Variants in JAK1 observed in about 807,000 individuals in gnomAD.
JAK1 encodes tyrosine-protein kinase JAK1.
A neutral mutation model predicts 136.6 loss-of-function variants in JAK1; 16 were observed. The ratio of observed to expected loss-of-function variants is 0.12; its 90% CI spans 0.08 to 0.18. The LOEUF (loss-of-function observed/expected upper bound fraction) is 0.18, where lower values mean the gene tolerates loss of function less well. Ranked by LOEUF, JAK1 falls within the 10% of genes least tolerant of loss-of-function variation. The pLI, the probability that JAK1 is intolerant of heterozygous loss-of-function variation, is 1.00. For synonymous variants in JAK1, 492 were observed against 519.5 expected (o/e 0.95, Z 0.72); for missense variants, 859 against 1,450.1 (o/e 0.59, Z 6.62).
chr1:64,905,808 C>G (rs548583999), intron 1 of JAK1, among the ~76,000 whole-genome samples: 68 of 152,218 alleles, frequency 4.5e-4, no homozygotes, highest in African/African-American at 1.6e-3. Flanking sequence ...TCACATGATC[C>G]CTACAAACAA....
chr1:65,042,407 AACACACACAC>A (rs72477165), intron 2 of JAK1, among the ~76,000 whole-genome samples: 31 of 148,004 alleles, frequency 2.1e-4, no homozygotes, highest in African/African-American at 5.2e-4. Flanking sequence ...ACTCTTATTT[AACACACACAC>A]ACACACACAC....
At chr1:64,933,795 G>A (rs904521638) in intron 1 of JAK1, among the ~76,000 whole-genome samples, 7 of 152,178 alleles carry the variant, frequency 4.6e-5, no homozygotes, top group African/African-American at 1.2e-4. Flanking sequence ...CACCAAGCAC[G>A]CCGCTGCTCT....
chr1:65,007,517 A>G (rs1013672055), intron 2 of JAK1, among the ~76,000 whole-genome samples: 30 of 152,032 alleles, frequency 2.0e-4, no homozygotes, highest in African/African-American at 7.2e-4. Flanking sequence ...CTGGAGTGCA[A>G]TGGTGCAATC....
At chr1:65,001,274 G>T (rs74080249) in intron 2 of JAK1, among the ~76,000 whole-genome samples, 200 of 152,290 alleles carry the variant, frequency 1.3e-3, no homozygotes, top group African/African-American at 4.7e-3. Context: ...CGACCCACGC[G>T]TTTATCTTTC....
At chr1:64,963,348 C>A (rs535475146) in intron 1 of JAK1, among the ~76,000 whole-genome samples, 3 of 152,172 alleles carry the variant, frequency 2.0e-5, no homozygotes, top group Non-Finnish European at 2.9e-5. Context: ...CCTATATTTT[C>A]TAATTTTTCT....
intron 1 of JAK1, among the ~76,000 whole-genome samples, chr1:64,951,361 T>G (rs1342501770): frequency 6.6e-6 from 1 of 152,166 alleles, no homozygotes; most frequent in African/African-American, 2.4e-5. Flanking sequence ...ACTGATTTTT[T>G]TAAATTGAAA....
chr1:65,050,261 C>T (rs1339420403), intron 1 of JAK1, among the ~76,000 whole-genome samples: 2 of 152,110 alleles, frequency 1.3e-5, no homozygotes, highest in Admixed American at 1.3e-4. Flanking sequence ...CGCCATCTAA[C>T]GAGACATTAA....
intron 9 of JAK1, among the ~76,000 whole-genome samples, chr1:64,859,142 G>C (rs544716831): frequency 6.6e-6 from 1 of 152,226 alleles, no homozygotes; most frequent in Non-Finnish European, 1.5e-5. Flanking sequence ...CAAGGCAGCC[G>C]GAAGAGGGAA....
chr1:64,862,128 C>A (rs555568475), intron 8 of JAK1, among the ~76,000 whole-genome samples: 97 of 152,250 alleles, frequency 6.4e-4, no homozygotes, highest in Non-Finnish European at 1.1e-3. Context: ...TGGGAGGGGA[C>A]AACGAGGGCA....
chr1:64,996,154 A>G (rs1646702249), intron 2 of JAK1, among the ~76,000 whole-genome samples: 1 of 152,198 alleles, frequency 6.6e-6, no homozygotes, highest in South Asian at 2.1e-4. Flanking sequence ...TAAGCACAAA[A>G]TATAATTTCT....
At chr1:64,841,068 T>C (rs911506127) in intron 19 of JAK1, among the ~76,000 whole-genome samples, 177 bp downstream of exon 19, 1 of 152,160 alleles carries the variant, frequency 6.6e-6, no homozygotes, top group African/African-American at 2.4e-5. Context: ...GTGTGTCACA[T>C]GGAGAAAGAC....
chr1:64,959,225 A>T (rs1179728607), intron 1 of JAK1, among the ~76,000 whole-genome samples: 1 of 152,250 alleles, frequency 6.6e-6, no homozygotes, highest in Non-Finnish European at 1.5e-5. Flanking sequence ...AGTCCAACAT[A>T]TACATCACCA....
chr1:64,969,246 C>A (rs1044840098), upstream of JAK1, among the ~76,000 whole-genome samples: 14 of 151,430 alleles, frequency 9.2e-5, no homozygotes, highest in Non-Finnish European at 2.9e-5. Flanking sequence ...AGAAGAATCA[C>A]CCTAGGGCAA....
At chr1:64,869,279 C>A in intron 6 of JAK1, 32 bp downstream of exon 6, 1 of 1,601,810 alleles carries the variant, frequency 6.2e-7, no homozygotes, top group African/African-American at 1.3e-5. Flanking sequence ...ACCATCCTCA[C>A]AATCAATTCT....
chr1:64,922,733 A>G (rs1645516366), intron 1 of JAK1, among the ~76,000 whole-genome samples: 1 of 152,180 alleles, frequency 6.6e-6, no homozygotes, highest in Admixed American at 6.5e-5. Context: ...CTGAATAGAA[A>G]ATGGTTGGTA....
At chr1:64,869,190 C>G (rs1426475335) in intron 6 of JAK1, 121 bp downstream of exon 6, 3 of 800,508 alleles carry the variant, frequency 3.7e-6, no homozygotes, top group African/African-American at 1.7e-5. Context: ...TAAGGAAGAT[C>G]TGGGTTTCAT....
At chr1:65,023,954 T>C (rs1317477658) in intron 2 of JAK1, among the ~76,000 whole-genome samples, 1 of 151,296 alleles carries the variant, frequency 6.6e-6, no homozygotes, top group African/African-American at 2.4e-5. Flanking sequence ...GGCTCGTTCC[T>C]TTTATTGCTG....
chr1:64,843,385 T>TA (rs1277755554), intron 17 of JAK1, among the ~76,000 whole-genome samples: 4 of 152,188 alleles, frequency 2.6e-5, no homozygotes, highest in Non-Finnish European at 4.4e-5. Context: ...CCTTTGGAGT[T>TA]AGAGTCTCCA....
intron 1 of JAK1, among the ~76,000 whole-genome samples, chr1:64,902,583 A>T (rs112273430): frequency 0.034 from 2,486 of 73,878 alleles, 87 homozygotes; most frequent in African/African-American, 0.11. Flanking sequence ...AGAGAGAGAG[A>T]GTGTGTGTGT....
Sources: allele counts gnomAD v4.1 joint callset (sites outside exome capture counted in the v4.1 genomes callset), GRCh38; gene constraint gnomAD v4.1.1; transcripts MANE v1.5; gene names NCBI Gene and HGNC (gene_info 2026-07-23, HGNC 2026-07-21).